The following ABCD4 variants were observed in gnomAD, a reference collection of about 807,000 sequenced individuals.
ABCD4 encodes ATP binding cassette subfamily D member 4.
A neutral mutation model predicts 86.3 loss-of-function variants in ABCD4; 53 were observed. That is an observed-to-expected ratio of 0.61 (90% CI 0.49 to 0.77). The LOEUF (loss-of-function observed/expected upper bound fraction) is 0.77. ABCD4 is among the 30% of genes least tolerant of loss of function. ABCD4 has a pLI of 0.00. For missense variants in ABCD4, 757 were observed against 764.5 expected (o/e 0.99, Z 0.12); for synonymous variants, 328 against 313.6 (o/e 1.05, Z -0.49).
chr14:74,289,689 C>A (rs760310761), intron 13 of ABCD4, 170 bp from the exon 14 acceptor site: 3 of 1,449,354 alleles, frequency 2.1e-6, no homozygotes, highest in Non-Finnish European at 2.7e-6. Flanking sequence ...AGGGCAAGGT[C>A]CCTACAACCT....
intron 1 of ABCD4, among the ~76,000 whole-genome samples, chr14:74,302,230 G>A (rs1045796337): frequency 6.6e-6 from 1 of 152,094 alleles, no homozygotes; most frequent in African/African-American, 2.4e-5. Flanking sequence ...CCACCACTAG[G>A]GGAATAAGTC....
chr14:74,301,899 CAAAAGAAA>C (rs1267733031), intron 1 of ABCD4, among the ~76,000 whole-genome samples: 2 of 150,940 alleles, frequency 1.3e-5, no homozygotes, highest in Non-Finnish European at 2.9e-5. Flanking sequence ...AACTCCGTCT[CAAAAGAAA>C]GAAAGAAAGA....
chr14:74,289,713 T>C lies in ABCD4; in HGVS notation c.1420-194A>G, dbSNP rs79567228. ...TCCCTACAACCTTCAGAAGTGTGTT[T>C]AGGGGGAACAGTCTGACAGCCTCCT... On this transcript the variant is annotated intron_variant, in intron 13 of 18. Coordinates refer to ENST00000356924, the MANE Select transcript of ABCD4 (RefSeq NM_005050.4). 12,375 of 1,438,318 alleles carry C rather than the reference T, an allele frequency of 8.6e-3. 115 individuals are homozygous for C. Among genetic ancestry groups the C allele is most frequent in the Middle Eastern group, 0.038 (151 of 3,926 alleles). The allele number at this position is 1,438,318 out of a possible 1,614,324, so 89.1% of individuals were successfully genotyped here.
At chr14:74,288,838 G>A (rs2080584187) in intron 14 of ABCD4, 73 bp from the exon 15 acceptor site, 9 of 1,562,196 alleles carry the variant, frequency 5.8e-6, no homozygotes, top group Middle Eastern at 3.4e-4. Context: ...GCAAGGCTGT[G>A]CACAGTGGCT....
chr14:74,293,026 T>G, intron 8 of ABCD4, 128 bp downstream of exon 8: 7 of 1,438,604 alleles, frequency 4.9e-6, no homozygotes, highest in Non-Finnish European at 6.7e-6. Flanking sequence ...CAGCCCCCCC[T>G]CCTCATCCCC....
At chr14:74,286,900 G>C in intron 17 of ABCD4, 84 bp from the exon 18 acceptor site, 1 of 1,329,850 alleles carries the variant, frequency 7.5e-7, no homozygotes, top group Admixed American at 2.0e-5. Context: ...CTCAACCCCA[G>C]CTGGGACCCA....
At chr14:74,287,717 T>C in intron 17 of ABCD4, 93 bp downstream of exon 17, 1 of 1,221,272 alleles carries the variant, frequency 8.2e-7, no homozygotes, top group Non-Finnish European at 1.2e-6. Context: ...GCCCAGCCAT[T>C]CACAGGTGTG....
rs1351026161 is a variant in ABCD4, at chr14:74,290,151, T to A, written c.1328-33A>T. 4 of 1,613,460 alleles carry A rather than the reference T, an allele frequency of 2.5e-6. No individual in the cohort carries two copies. In the Middle Eastern group the frequency reaches 4.9e-4, roughly 199 times the overall value. On this transcript the variant is annotated intron_variant, in intron 12 of 18. Transcript: ENST00000356924. ...GCCCACAGAAACCTCCATTGTGAGA[T>A]CTCCCAGAAGAGGCAACTGCCTGTC...
chr14:74,289,588 C>T lies in ABCD4; in HGVS notation c.1420-69G>A, dbSNP rs866669360. ...AAGACGGAGCTGCACACAGCCCACC[C>T]TCCCTCCAGAACCCACTGGAACCTC... is the stretch of plus-strand genomic sequence containing the variant. On this transcript the variant is annotated intron_variant, in intron 13 of 18. Transcript: ENST00000356924. 101 of 1,587,320 alleles carry T rather than the reference C, an allele frequency of 6.4e-5. No homozygotes were observed. The Middle Eastern group carries it at 1.7e-3, about 26-fold the overall frequency.
chr14:74,292,553 G>C lies in ABCD4; in HGVS notation c.1026C>G (p.His342Gln). ...AGAGGGGTGGGACACGGCCTCACCT[G>C]TGCGTGTAGCCAGCCACATCTGAGA... ...TTLSDVAGYT[H>Q]RIGQLRETLL... The change falls in exon 10 of 19, where the codon CAC (histidine) becomes CAG (glutamine). Residue 342 changes from histidine to glutamine, a missense_variant and splice_region_variant. Transcript: ENST00000356924. The C allele has an allele frequency of 1.9e-6, 3 of 1,613,942 alleles. No individual in the cohort carries two copies. Among genetic ancestry groups the C allele is most frequent in the Non-Finnish European group, 2.5e-6 (3 of 1,179,932 alleles).
intron 3 of ABCD4, among the ~76,000 whole-genome samples, chr14:74,298,691 T>C (rs2083512359): frequency 6.6e-6 from 1 of 152,244 alleles, no homozygotes; most frequent in Non-Finnish European, 1.5e-5. Context: ...TTTATGTTCT[T>C]ACTCCTTTGT....
At chr14:74,286,876 TC>T (rs2079910211) in intron 17 of ABCD4, 60 bp from the exon 18 acceptor site, 1 of 1,509,782 alleles carries the variant, frequency 6.6e-7, no homozygotes, top group Non-Finnish European at 9.1e-7. Context: ...CCGCTGCTTC[TC>T]CTCCCACCCA....
chr14:74,286,767 G>C lies in ABCD4; in HGVS notation c.1686C>G (p.Leu562=), dbSNP rs757372380. Residue 562 remains leucine, a synonymous_variant, in exon 18 of 19, where the codon CTC becomes CTG. Transcript: ENST00000356924. ...TCCCCAGCTGCTGGCCGATGCGATA[G>C]AGCTCGCTCTCCACTTCCTCTGTCA... The part of the protein sequence containing the change: ...SALTEEVESE[L]YRIGQQLGMT... The C allele has an allele frequency of 1.2e-6, 2 of 1,614,104 alleles. No individual in the cohort carries two copies. The highest frequency in any genetic ancestry group is 1.1e-5 in the South Asian group (1 of 91,080).
At chr14:74,297,010 C>CTGTTGGT (rs2083044934) in intron 4 of ABCD4, 1 of 152,884 alleles carries the variant, frequency 6.5e-6, no homozygotes, top group Non-Finnish European at 1.5e-5. Flanking sequence ...TAAGCTTGAG[C>CTGTTGGT]TGAGAGGTAC....
At chr14:74,290,001 G>A (rs1280291218) in intron 13 of ABCD4, 26 bp downstream of exon 13, 1 of 1,614,014 alleles carries the variant, frequency 6.2e-7, no homozygotes, top group South Asian at 1.1e-5. Flanking sequence ...GAGGAGGGAG[G>A]AGTGAGCCCC....
At position 74,289,593 on chromosome 14, in the gene ABCD4, T is replaced by TCCAGAAC. The variant is rs572934501; in HGVS notation, c.1420-81_1420-75dup. ...GGAGCTGCACACAGCCCACCCTCCC[T>TCCAGAAC]CCAGAACCCACTGGAACCTCCCAAG... On this transcript the variant is annotated intron_variant, in intron 13 of 18. Coordinates refer to ENST00000356924, the MANE Select transcript of ABCD4 (RefSeq NM_005050.4). 0.013 allele frequency: 19,984 copies of TCCAGAAC among 1,579,550 alleles called. 183 individuals carry two copies. The highest frequency in any genetic ancestry group is 0.016 in the Non-Finnish European group (18,257 of 1,163,656).
In ABCD4 at chr14:74,286,372, T is replaced by C. The variant is rs1465902074; in HGVS notation, c.*89A>G. The C allele has an allele frequency of 2.3e-5, 34 of 1,450,050 alleles. No individual in the cohort carries two copies. Among genetic ancestry groups the C allele is most frequent in the Non-Finnish European group, 3.3e-5 (34 of 1,037,136 alleles). The allele number at this position is 1,450,050 out of a possible 1,614,324, so 89.8% of individuals were successfully genotyped here. The stretch of plus-strand genomic sequence containing the variant: ...CTGCACGGGATCTATGTGGCGAACC[T>C]GAGCTCGATCTTCGCTGTCAGTCCT... On this transcript the variant is annotated 3_prime_UTR_variant, in exon 19 of 19. Coordinates refer to ENST00000356924, the MANE Select transcript of ABCD4 (RefSeq NM_005050.4).
chr14:74,300,409 G>A lies in ABCD4; in HGVS notation c.39-141C>T, dbSNP rs7158111. 1,239 of 624,846 alleles carry A rather than the reference G, an allele frequency of 2.0e-3. 17 individuals carry two copies. The African/African-American group carries it at 0.02, about 10-fold the overall frequency. 38.7% of individuals were successfully genotyped at this position (624,846 alleles called of 1,614,324 possible). On this transcript the variant is annotated intron_variant, in intron 1 of 18. Coordinates refer to ENST00000356924, the MANE Select transcript of ABCD4 (RefSeq NM_005050.4). ...GGTTTTCAAATGCTGAAGATGGTAG[G>A]CTGGGAACAGACCACGGATACAAAG...
chr14:74,292,414 G>A (rs1594910837), intron 10 of ABCD4, 38 bp from the exon 11 acceptor site: 2 of 1,609,958 alleles, frequency 1.2e-6, no homozygotes, highest in East Asian at 4.5e-5. Context: ...GGGTCTGGGA[G>A]CCAGGTGAAG....
Sources: allele counts gnomAD v4.1 joint callset (sites outside exome capture counted in the v4.1 genomes callset), GRCh38; gene constraint gnomAD v4.1.1; transcripts MANE v1.5; gene names NCBI Gene and HGNC (gene_info 2026-07-23, HGNC 2026-07-21).